The following PPP2R5E variants were observed in gnomAD, a reference collection of about 807,000 sequenced individuals.
PPP2R5E encodes the protein serine/threonine-protein phosphatase 2A 56 kDa regulatory subunit epsilon isoform.
In PPP2R5E, 4 loss-of-function variants were observed where a neutral mutation model predicts 65.3. The ratio of observed to expected loss-of-function variants is 0.06; its 90% CI spans 0.03 to 0.14. The LOEUF is 0.14. Among genes scored for constraint, PPP2R5E ranks in the 10% least tolerant of loss-of-function variants. The pLI is 1.00. For missense variants in PPP2R5E, 274 were observed against 556.1 expected, an observed-to-expected ratio of 0.49 and a Z score of 5.10; for synonymous variants, 183 against 187.4, an observed-to-expected ratio of 0.98 and a Z score of 0.19.
chr14:63,503,117 T>C (rs1057418726), intron 2 of PPP2R5E, among the ~76,000 whole-genome samples: 2 of 152,120 alleles, frequency 1.3e-5, no homozygotes, highest in Admixed American at 1.3e-4. Flanking sequence ...AATAAAAAAT[T>C]ACATACTATA....
intron 12 of PPP2R5E, among the ~76,000 whole-genome samples, chr14:63,384,110 G>A (rs1263707583): frequency 6.6e-6 from 1 of 152,064 alleles, no homozygotes; most frequent in African/African-American, 2.4e-5. Context: ...CTCTCCCCAT[G>A]CCATCCACCT....
rs150994318 is a variant in PPP2R5E, at chr14:63,510,604, C to T, written c.157+28925G>A. Among the ~76,000 whole-genome samples, 488 of 152,208 alleles carry T rather than the reference C, an allele frequency of 3.2e-3. 5 individuals carry two copies. The highest frequency in any genetic ancestry group is 3.5e-3 in the Non-Finnish European group (236 of 68,026). On this transcript the variant is annotated intron_variant, in intron 2 of 13. Transcript: ENST00000337537. ...AAAGAAAGGAGACACGCTGAGTATCCGGTAGAGAAAACCACAAATGCAAAG... is the reference window on the plus strand; with the variant it reads ...AAAGAAAGGAGACACGCTGAGTATCTGGTAGAGAAAACCACAAATGCAAAG...
chr14:63,374,050 G>A lies in PPP2R5E; in HGVS notation c.*1959C>T, dbSNP rs1240501936. On this transcript the variant is annotated 3_prime_UTR_variant, in exon 14 of 14. Coordinates refer to ENST00000337537, the MANE Select transcript of PPP2R5E (RefSeq NM_006246.5). ...TATTAATTCCATTAAACCATGTTGC[G>A]TCTGGTGTTGCATATGACTTTTTTT... 6 of 141,014 alleles carry A rather than the reference G, an allele frequency of 4.3e-5. No homozygotes were observed. The highest frequency in any genetic ancestry group is 1.0e-4 in the African/African-American group (4 of 38,252). 8.7% of individuals were successfully genotyped at this position (141,014 alleles called of 1,614,324 possible). A position where few individuals can be genotyped will look rare whatever the true frequency, so the allele number is the denominator to read the frequency against.
chr14:63,453,652 T>C, intron 3 of PPP2R5E, 37 bp downstream of exon 3: 2 of 1,588,828 alleles, frequency 1.3e-6, no homozygotes, highest in Non-Finnish European at 1.7e-6. Flanking sequence ...CTATGGAAGA[T>C]GCTTAAAAGT....
At chr14:63,395,307 G>C in intron 6 of PPP2R5E, 22 bp from the exon 7 acceptor site, 1 of 1,508,640 alleles carries the variant, frequency 6.6e-7, no homozygotes, top group Non-Finnish European at 9.2e-7. Context: ...GGAGAAAAGG[G>C]AGGAGAAAGG....
At chr14:63,418,662 T>C (rs967697678) in intron 4 of PPP2R5E, among the ~76,000 whole-genome samples, 2 of 152,080 alleles carry the variant, frequency 1.3e-5, no homozygotes, top group African/African-American at 4.8e-5. Flanking sequence ...AATTGTATTC[T>C]ACTGAAGACA....
At chr14:63,388,405 C>A (rs1438648116) in intron 11 of PPP2R5E, among the ~76,000 whole-genome samples, 1 of 152,166 alleles carries the variant, frequency 6.6e-6, no homozygotes, top group African/African-American at 2.4e-5. Context: ...TCCCAAAGTG[C>A]TGGGATCACA....
At chr14:63,443,080 A>G (rs2139438377) in intron 3 of PPP2R5E, among the ~76,000 whole-genome samples, 1 of 152,308 alleles carries the variant, frequency 6.6e-6, no homozygotes, top group South Asian at 2.1e-4. Context: ...GGCTAACCAG[A>G]GCTCTGGTTT....
At chr14:63,489,263 CT>C (rs1176309470) in intron 2 of PPP2R5E, among the ~76,000 whole-genome samples, 1 of 151,926 alleles carries the variant, frequency 6.6e-6, no homozygotes, top group African/African-American at 2.4e-5. Flanking sequence ...ACATAGAAAA[CT>C]GCTAATTCAC....
intron 2 of PPP2R5E, among the ~76,000 whole-genome samples, chr14:63,463,360 T>C (rs1213803233): frequency 6.6e-6 from 1 of 151,342 alleles, no homozygotes; most frequent in Admixed American, 6.6e-5. Context: ...CAGGATGGTA[T>C]CGAACTCCTG....
intron 2 of PPP2R5E, among the ~76,000 whole-genome samples, chr14:63,471,234 A>G (rs1167827716): frequency 2.6e-5 from 4 of 152,252 alleles, no homozygotes; most frequent in African/African-American, 7.2e-5. Context: ...CAGATGGGCC[A>G]GAAGAACCTC....
intron 2 of PPP2R5E, among the ~76,000 whole-genome samples, chr14:63,505,542 A>C (rs1178186525): frequency 6.6e-6 from 1 of 152,210 alleles, no homozygotes; most frequent in Non-Finnish European, 1.5e-5. Context: ...CCATGCAAGG[A>C]GGCTGAGTTC....
chr14:63,478,778 G>A (rs1054954465), intron 2 of PPP2R5E, among the ~76,000 whole-genome samples: 25 of 152,216 alleles, frequency 1.6e-4, no homozygotes, highest in African/African-American at 5.8e-4. Flanking sequence ...GACTTACCCT[G>A]AGAGGAGATT....
At chr14:63,412,242 C>T (rs569130066) in intron 5 of PPP2R5E, among the ~76,000 whole-genome samples, 1 of 152,194 alleles carries the variant, frequency 6.6e-6, no homozygotes, top group Admixed American at 6.5e-5. Flanking sequence ...CACTTGAGCC[C>T]AATCTGGGCA....
chr14:63,451,275 T>C (rs943980433), intron 3 of PPP2R5E: 1 of 152,232 alleles, frequency 6.6e-6, no homozygotes, highest in African/African-American at 2.4e-5. Flanking sequence ...GATATTTATA[T>C]TAGCTTTATT....
In PPP2R5E at chr14:63,384,577, G is replaced by C. The variant is rs763592723; in HGVS notation, c.1075-6C>G. On this transcript the variant is annotated splice_polypyrimidine_tract_variant and splice_region_variant and intron_variant, in intron 11 of 13. Coordinates refer to ENST00000337537, the MANE Select transcript of PPP2R5E (RefSeq NM_006246.5). ...TAGAGTGCTCTTTCTGCCACCTTTG[G>C]GAAAAGAAAAATAAAATGTTAAGAG... 6 of 1,588,588 alleles carry C rather than the reference G, an allele frequency of 3.8e-6. No homozygotes were observed. Among genetic ancestry groups the C allele is most frequent in the Non-Finnish European group, 4.3e-6 (5 of 1,168,858 alleles).
At chr14:63,379,158 A>C (rs1884166362) in intron 13 of PPP2R5E, among the ~76,000 whole-genome samples, 1 of 151,708 alleles carries the variant, frequency 6.6e-6, no homozygotes, top group Non-Finnish European at 1.5e-5. Flanking sequence ...CCTCCCGAGT[A>C]GCTGGGACTA....
At chr14:63,538,180 A>G (rs374086232) in intron 2 of PPP2R5E, among the ~76,000 whole-genome samples, 4 of 152,104 alleles carry the variant, frequency 2.6e-5, no homozygotes, top group Admixed American at 6.5e-5. Flanking sequence ...CTACTCGGGA[A>G]GTTGATCCCG....
intron 3 of PPP2R5E, among the ~76,000 whole-genome samples, chr14:63,437,235 C>T (rs767911849): frequency 1.3e-5 from 2 of 152,180 alleles, no homozygotes; most frequent in African/African-American, 2.4e-5. Context: ...TCCCAGAAAA[C>T]TCATGAATAA....
Sources: allele counts gnomAD v4.1 joint callset (sites outside exome capture counted in the v4.1 genomes callset), GRCh38; gene constraint gnomAD v4.1.1; transcripts MANE v1.5; gene names NCBI Gene and HGNC (gene_info 2026-07-23, HGNC 2026-07-21).